Variants in HERC2 observed in about 807,000 individuals in gnomAD.
The protein encoded by HERC2 is HECT and RLD domain containing E3 ubiquitin protein ligase 2.
Under a neutral mutation model 537.7 loss-of-function variants are expected in HERC2, and 102 were observed. That is an observed-to-expected ratio of 0.19 (90% CI 0.16 to 0.22). The LOEUF is 0.22. Among genes scored for constraint, HERC2 ranks in the 10% least tolerant of loss-of-function variants. The pLI, the probability that HERC2 is intolerant of heterozygous loss-of-function variation, is 1.00. For missense variants in HERC2, 4,236 were observed against 6,198.2 expected (o/e 0.68, Z 10.63); for synonymous variants, 2,224 against 2,466.2 (o/e 0.90, Z 2.91).
rs538918408 is a variant in HERC2 at position 28,177,286 on chromosome 15, C to T, written c.9254+133G>A. 2.9e-5 allele frequency: 35 copies of T among 1,206,874 alleles called. No individual in the cohort carries two copies. The highest frequency in any genetic ancestry group is 3.5e-5 in the Non-Finnish European group (30 of 856,376). The allele number at this position is 1,206,874 out of a possible 1,614,324, so 74.8% of individuals were successfully genotyped here. A position where few individuals can be genotyped will look rare whatever the true frequency, so the allele number is the denominator to read the frequency against. On this transcript the variant is annotated intron_variant, in intron 60 of 92. Transcript: ENST00000261609. This position sits in a 1 kb window ranked among gnomAD's most constrained non-coding sequence, Gnocchi z 5.0. Reference sequence around the variant, plus strand: ...CCGGTGAGACCAAAACACAAACAACCGTGTTAAAAAAATTTTGTTTAAGAA... The same window carrying T: ...CCGGTGAGACCAAAACACAAACAACTGTGTTAAAAAAATTTTGTTTAAGAA...
At chr15:28,204,481 G>C (rs371111142) in intron 45 of HERC2, among the ~76,000 whole-genome samples, 1 of 151,500 alleles carries the variant, frequency 6.6e-6, no homozygotes, top group African/African-American at 2.4e-5. Context: ...TTAGCCAGGC[G>C]TGGTGGCAGG....
intron 2 of HERC2, among the ~76,000 whole-genome samples, chr15:28,319,910 T>C (rs2077186983): frequency 6.6e-6 from 1 of 152,240 alleles, no homozygotes; most frequent in Admixed American, 6.5e-5. Context: ...AAACTTTGCC[T>C]GAATCTCAGG....
At position 28,111,685 on chromosome 15, in the gene HERC2, G is replaced by T; in HGVS notation, c.*78C>A. ...CGGACGCTTCTCATCAGACACACCAGGCAGCCTACAGTCTACACAGCAGCG... is the reference window on the plus strand; with the variant it reads ...CGGACGCTTCTCATCAGACACACCATGCAGCCTACAGTCTACACAGCAGCG... On this transcript the variant is annotated 3_prime_UTR_variant, in exon 93 of 93. Coordinates refer to ENST00000261609, the MANE Select transcript of HERC2 (RefSeq NM_004667.6). The T allele has an allele frequency of 6.7e-7, 1 of 1,484,742 alleles. No homozygotes were observed. Among genetic ancestry groups the T allele is most frequent in the Non-Finnish European group, 9.2e-7 (1 of 1,083,452 alleles). The allele number at this position is 1,484,742 out of a possible 1,614,324, so 92.0% of individuals were successfully genotyped here.
intron 52 of HERC2, among the ~76,000 whole-genome samples, chr15:28,192,962 A>G (rs4073542): frequency 0.037 from 5,640 of 152,120 alleles, 336 homozygotes; most frequent in African/African-American, 0.13. Flanking sequence ...GCAACTCAGC[A>G]TAAAATCATC....
chr15:28,300,984 C>T (rs978738890), intron 2 of HERC2, among the ~76,000 whole-genome samples: 2 of 151,600 alleles, frequency 1.3e-5, no homozygotes, highest in African/African-American at 4.9e-5. Flanking sequence ...GAATCAAAGG[C>T]AATCTGACAG....
At chr15:28,164,110 C>T (rs893663211) in intron 68 of HERC2, among the ~76,000 whole-genome samples, 1 of 152,214 alleles carries the variant, frequency 6.6e-6, no homozygotes, top group African/African-American at 2.4e-5. Flanking sequence ...CGCTGTGACC[C>T]TGTGCAGAGC....
chr15:28,275,791 T>C (rs1041896376), intron 5 of HERC2, among the ~76,000 whole-genome samples: 1 of 140,966 alleles, frequency 7.1e-6, no homozygotes, highest in Non-Finnish European at 1.6e-5. Flanking sequence ...TCAAAAAAAA[T>C]AAAATAAAAT....
At chr15:28,308,677 G>T (rs1311647493) in intron 2 of HERC2, among the ~76,000 whole-genome samples, 1 of 152,214 alleles carries the variant, frequency 6.6e-6, no homozygotes, top group African/African-American at 2.4e-5. Flanking sequence ...TATGATACTA[G>T]CTGTGGGTCT....
intron 52 of HERC2, among the ~76,000 whole-genome samples, chr15:28,193,880 G>T (rs1321676070): frequency 6.6e-6 from 1 of 152,110 alleles, no homozygotes; most frequent in South Asian, 2.1e-4. Flanking sequence ...TAGACAATTT[G>T]TAACCCACAA....
chr15:28,248,003 G>C (rs1459119107), intron 21 of HERC2, among the ~76,000 whole-genome samples: 2 of 152,216 alleles, frequency 1.3e-5, no homozygotes, highest in Non-Finnish European at 2.9e-5. Context: ...TCCCTCAACA[G>C]TGCACAGCAC....
chr15:28,314,631 C>T (rs9972294), intron 2 of HERC2, among the ~76,000 whole-genome samples: 13,856 of 150,772 alleles, frequency 0.092, 4 homozygotes, highest in East Asian at 0.43. Context: ...CCAAGGCGGG[C>T]GGATCATGAG....
chr15:28,122,825 G>A lies in HERC2; in HGVS notation c.13188+1212C>T, dbSNP rs142573451. Among the ~76,000 whole-genome samples, 472 of 151,886 alleles carry A rather than the reference G, an allele frequency of 3.1e-3. 20 individuals carry two copies. In the East Asian group the frequency reaches 0.075, roughly 24 times the overall value. On this transcript the variant is annotated intron_variant, in intron 85 of 92. Transcript: ENST00000261609. This position sits in a 1 kb window ranked among gnomAD's most constrained non-coding sequence, Gnocchi z 4.1. Reference sequence around the variant, plus strand: ...CAGGTGCCAGATGCTGCTGCCCACCGCTCCCCTACCACACACCAGCTCCCA... The same window carrying A: ...CAGGTGCCAGATGCTGCTGCCCACCACTCCCCTACCACACACCAGCTCCCA...
At position 28,254,415 on chromosome 15, in the gene HERC2, A is replaced by C. The variant is rs1230228449; in HGVS notation, c.2975T>G (p.Leu992Arg). The C allele has an allele frequency of 6.2e-7, 1 of 1,609,316 alleles. No homozygotes were observed. The highest frequency in any genetic ancestry group is 8.5e-7 in the Non-Finnish European group (1 of 1,177,892). ...HRSRTPLDKD[L>R]INTGICESSG... ...AGACTCACAGATCCCCGTATTAATA[A>C]GGTCTTTATCCAGTGGAGTCCTGCT... The change falls in exon 20 of 93, where the codon CTT (leucine) becomes CGT (arginine). Residue 992 changes from leucine to arginine, a missense_variant. By Grantham distance (102) the Leu-to-Arg change is moderately radical (BLOSUM62 -2). Coordinates refer to ENST00000261609, the MANE Select transcript of HERC2 (RefSeq NM_004667.6).
intron 56 of HERC2, among the ~76,000 whole-genome samples, chr15:28,184,601 C>T (rs1896123492): frequency 6.6e-6 from 1 of 152,078 alleles, no homozygotes; most frequent in African/African-American, 2.4e-5. Context: ...GTGGCTCACG[C>T]CTATAATCCC....
At chr15:28,182,839 A>G (rs929180575) in intron 56 of HERC2, among the ~76,000 whole-genome samples, 53 of 152,166 alleles carry the variant, frequency 3.5e-4, no homozygotes, top group Non-Finnish European at 1.0e-4. Flanking sequence ...ATTCCAAGCC[A>G]TGGAAACAGA....
At chr15:28,112,159 A>G (rs1279941998) in intron 92 of HERC2, 124 bp from the exon 93 acceptor site, 2 of 922,314 alleles carry the variant, frequency 2.2e-6, no homozygotes, top group Admixed American at 2.4e-5. Flanking sequence ...AGCAGAAAAC[A>G]TAATCCAAAC....
intron 65 of HERC2, among the ~76,000 whole-genome samples, chr15:28,170,499 A>C (rs1273672949): frequency 6.6e-6 from 1 of 152,246 alleles, no homozygotes; most frequent in Non-Finnish European, 1.5e-5. Flanking sequence ...TCTACACCTT[A>C]TGCAAAATTA....
Position 28,117,115 on chromosome 15 carries a change from C to T in HERC2, c.13312G>A (p.Asp4438Asn), listed in dbSNP as rs953713630. The T allele has an allele frequency of 5.0e-6, 8 of 1,614,070 alleles. No homozygotes were observed. Among genetic ancestry groups the T allele is most frequent in the South Asian group, 1.1e-5 (1 of 91,080 alleles). ...SRSKGGLAGP[D>N]GTKSVFGQMC... ...TGCCCAAAGACAGACTTGGTGCCGT[C>T]GGGGCCGGCCAGCCCGCCTTTGCTC... Residue 4438 changes from aspartate to asparagine, a missense_variant, in exon 87 of 93, where the codon GAC becomes AAC. Asp to Asn is a conservative substitution (Grantham distance 23). Around this residue, in one of 27 missense-constraint regions of HERC2, gnomAD observed 29 missense variants for 102.1 expected, o/e 0.28. Coordinates refer to ENST00000261609, the MANE Select transcript of HERC2 (RefSeq NM_004667.6).
At chr15:28,301,737 A>G (rs28654205) in intron 2 of HERC2, among the ~76,000 whole-genome samples, 3,226 of 7,092 alleles carry the variant, frequency 0.45, 167 homozygotes, top group East Asian at 0.52. Flanking sequence ...ATGTATGTGT[A>G]TATATATATA....
Sources: gnomAD v4.1 joint callset for allele counts (sites outside exome capture counted in the v4.1 genomes callset) on GRCh38, gnomAD v4.1.1 for gene constraint, gnomAD v4.1.1 regional missense constraint, Gnocchi (gnomAD v3.1) non-coding constraint, MANE v1.5 for transcripts, NCBI Gene and HGNC (gene_info 2026-07-23, HGNC 2026-07-21) for gene names.